GOLGA8B: variants seen among roughly 807,000 people sequenced by gnomAD.
GOLGA8B encodes golgin A8 family member B.
Under a neutral mutation model 15.6 loss-of-function variants are expected in GOLGA8B, and 1 was observed. That is an observed-to-expected ratio of 0.06 (90% CI 0.02 to 0.30). GOLGA8B has a LOEUF of 0.30. Ranked by LOEUF, GOLGA8B falls within the 10% of genes least tolerant of loss-of-function variation. GOLGA8B has a pLI of 1.00. For missense variants in GOLGA8B, 17 were observed against 201.3 expected, an observed-to-expected ratio of 0.08 and a Z score of 5.54; for synonymous variants, 9 against 80.3, an observed-to-expected ratio of 0.11 and a Z score of 4.75.
chr15:34,576,958 T>C (rs1485908748), intron 1 of GOLGA8B, among the ~76,000 whole-genome samples: 1 of 151,422 alleles, frequency 6.6e-6, no homozygotes, highest in Non-Finnish European at 1.5e-5. Flanking sequence ...CCTCCATCCA[T>C]AATAACTCAG....
At chr15:34,577,504 TCATACACACACACACACACA>T (rs1442279674) in intron 1 of GOLGA8B, among the ~76,000 whole-genome samples, 6 of 100,624 alleles carry the variant, frequency 6.0e-5, no homozygotes, top group Non-Finnish European at 1.0e-4. Context: ...AAATTATATA[TCATACACACACACACACACA>T]CACACACACA....
intron 1 of GOLGA8B, among the ~76,000 whole-genome samples, chr15:34,564,438 C>T (rs1286035042): frequency 6.9e-6 from 1 of 144,930 alleles, no homozygotes; most frequent in Non-Finnish European, 1.5e-5. Flanking sequence ...TCACTTTTTG[C>T]ATCATATTCA....
chr15:34,578,027 A>C (rs1006817205), intron 1 of GOLGA8B, among the ~76,000 whole-genome samples: 2 of 152,226 alleles, frequency 1.3e-5, no homozygotes, highest in African/African-American at 4.8e-5. Flanking sequence ...TATCACTCAC[A>C]AAAACAATGT....
At chr15:34,578,959 C>A (rs1206697604) in intron 1 of GOLGA8B, among the ~76,000 whole-genome samples, 3 of 152,144 alleles carry the variant, frequency 2.0e-5, no homozygotes, top group African/African-American at 7.2e-5. Context: ...AACTCACAAA[C>A]CTGACCCTTA....
rs751530122 is a variant in GOLGA8B at position 34,527,175 on chromosome 15, G to A, written c.*457C>T. 23 of 303,748 alleles carry A rather than the reference G, an allele frequency of 7.6e-5. 1 individual carries two copies. The highest frequency in any genetic ancestry group is 1.5e-4 in the Admixed American group (3 of 19,878). 18.8% of individuals were successfully genotyped at this position (303,748 alleles called of 1,614,324 possible). On this transcript the variant is annotated 3_prime_UTR_variant, in exon 24 of 24. Transcript: ENST00000683415. Reference sequence around the variant, plus strand: ...AGGGCAAACCGCATATTGAGCTATGGAAGAGCTCACTGTGATTAAGATGAG... The same window carrying A: ...AGGGCAAACCGCATATTGAGCTATGAAAGAGCTCACTGTGATTAAGATGAG...
chr15:34,583,172 G>A (rs1169559229), intron 1 of GOLGA8B, among the ~76,000 whole-genome samples: 1 of 151,886 alleles, frequency 6.6e-6, no homozygotes, highest in African/African-American at 2.4e-5. Context: ...CGAGATCCGA[G>A]CGGGCGGCCC....
At chr15:34,559,991 G>A (rs1482117655) in intron 1 of GOLGA8B, among the ~76,000 whole-genome samples, 3 of 149,578 alleles carry the variant, frequency 2.0e-5, no homozygotes, top group African/African-American at 5.0e-5. Context: ...GTTTCAGGAG[G>A]ACATTCAAGA....
intron 1 of GOLGA8B, among the ~76,000 whole-genome samples, chr15:34,559,939 C>A (rs1246431698): frequency 6.7e-6 from 1 of 149,638 alleles, no homozygotes; most frequent in Non-Finnish European, 1.5e-5. Flanking sequence ...GCGGACCTGG[C>A]GTGTGTGGTC....
chr15:34,581,192 T>C (rs72726723), intron 1 of GOLGA8B, among the ~76,000 whole-genome samples: 27 of 152,328 alleles, frequency 1.8e-4, no homozygotes, highest in African/African-American at 6.0e-4. Flanking sequence ...GTTAAGTCAC[T>C]GGGGCAGGTA....
rs140773762 is a variant in GOLGA8B at position 34,574,158 on chromosome 15, G to A, written c.-1123+9358C>T. Among the ~76,000 whole-genome samples the A allele has an allele frequency of 7.2e-5, 11 of 152,176 alleles. No homozygotes were observed. The East Asian group carries it at 2.1e-3, about 29-fold the overall frequency. ...TGTCATGGGAAGTCTCTGAAATTCA[G>A]GTTTGGGAAATCAGTTGACATGAAC... is the stretch of plus-strand genomic sequence containing the variant. On this transcript the variant is annotated intron_variant, in intron 1 of 23. Coordinates refer to ENST00000683415, the MANE Select transcript of GOLGA8B (RefSeq NM_001023567.5).
chr15:34,570,150 G>A (rs1197307130), intron 1 of GOLGA8B, among the ~76,000 whole-genome samples: 2 of 152,048 alleles, frequency 1.3e-5, no homozygotes, highest in Admixed American at 6.6e-5. Context: ...CACGTTTGGA[G>A]GAAGCAGCTG....
At chr15:34,577,215 C>A (rs1566936630) in intron 1 of GOLGA8B, among the ~76,000 whole-genome samples, 1 of 152,100 alleles carries the variant, frequency 6.6e-6, no homozygotes, top group East Asian at 1.9e-4. Flanking sequence ...GACTGAGAAA[C>A]AGAAACTGTG....
rs1464468970 is a variant in GOLGA8B at position 34,566,425 on chromosome 15, T to A, written c.-1122-12469A>T. 2.1e-5 allele frequency: 3 copies of A among 144,176 alleles called. 1 individual carries two copies. Among genetic ancestry groups the A allele is most frequent in the Non-Finnish European group, 4.7e-5 (3 of 63,210 alleles). The allele number at this position is 144,176 out of a possible 1,614,324, so 8.9% of individuals were successfully genotyped here. A position where few individuals can be genotyped will look rare whatever the true frequency, so the allele number is the denominator to read the frequency against. ...CGCCAGGAGAGCGGTGTCAGGCATCTCACCAGCCGATTCTCCCAGAAGTTT... is the reference window on the plus strand; with the variant it reads ...CGCCAGGAGAGCGGTGTCAGGCATCACACCAGCCGATTCTCCCAGAAGTTT... On this transcript the variant is annotated intron_variant, in intron 1 of 23. Transcript: ENST00000683415.
At chr15:34,577,531 CA>C (rs1889116280) in intron 1 of GOLGA8B, among the ~76,000 whole-genome samples, 1 of 150,954 alleles carries the variant, frequency 6.6e-6, no homozygotes, top group Non-Finnish European at 1.5e-5. Context: ...CACACACACA[CA>C]CACACACACA....
Position 34,527,129 on chromosome 15 carries a change from GTAA to G in GOLGA8B, c.*500_*502del, listed in dbSNP as rs1359468865. The stretch of plus-strand genomic sequence containing the variant: ...AGTACTCATAGTGGCATATTACAAA[GTAA>G]TAAACAGTGCACACTTGAGGGCAAA... On this transcript the variant is annotated 3_prime_UTR_variant, in exon 24 of 24. Transcript: ENST00000683415. The G allele has an allele frequency of 3.9e-6, 1 of 254,488 alleles. No homozygotes were observed. Among genetic ancestry groups the G allele is most frequent in the African/African-American group, 2.4e-5 (1 of 42,484 alleles). 15.8% of individuals were successfully genotyped at this position (254,488 alleles called of 1,614,324 possible). A position where few individuals can be genotyped will look rare whatever the true frequency, so the allele number is the denominator to read the frequency against.
At chr15:34,581,009 T>A (rs1352259770) in intron 1 of GOLGA8B, among the ~76,000 whole-genome samples, 6 of 152,152 alleles carry the variant, frequency 3.9e-5, no homozygotes, top group African/African-American at 1.4e-4. Flanking sequence ...CTCTCTCCGT[T>A]TCTCTAAGGA....
intron 1 of GOLGA8B, among the ~76,000 whole-genome samples, chr15:34,570,189 C>T (rs973446114): frequency 6.6e-6 from 1 of 151,856 alleles, no homozygotes; most frequent in Non-Finnish European, 1.5e-5. Flanking sequence ...AGCTTGCTGG[C>T]ATGGGTCCCA....
chr15:34,527,526 T>TG lies in GOLGA8B; in HGVS notation c.*105_*106insC, dbSNP rs1888085016. 4 of 697,628 alleles carry TG rather than the reference T, an allele frequency of 5.7e-6. No individual in the cohort carries two copies. Among genetic ancestry groups the TG allele is most frequent in the African/African-American group, 4.1e-5 (2 of 49,274 alleles). 43.2% of individuals were successfully genotyped at this position (697,628 alleles called of 1,614,324 possible). Reference sequence around the variant, plus strand: ...AATTAGAAACACAAATAATCATGAGTAGCTCTAACATTCAAATGAAGTAAA... The same window carrying TG: ...AATTAGAAACACAAATAATCATGAGTGAGCTCTAACATTCAAATGAAGTAAA... On this transcript the variant is annotated 3_prime_UTR_variant, in exon 24 of 24. Coordinates refer to ENST00000683415, the MANE Select transcript of GOLGA8B (RefSeq NM_001023567.5).
chr15:34,578,165 G>A (rs113110218), intron 1 of GOLGA8B, among the ~76,000 whole-genome samples: 8 of 152,266 alleles, frequency 5.3e-5, no homozygotes, highest in Non-Finnish European at 8.8e-5. Flanking sequence ...ACAACCAAGC[G>A]TCTCTCTGCA....
Sources: allele counts gnomAD v4.1 joint callset (sites outside exome capture counted in the v4.1 genomes callset), GRCh38; gene constraint gnomAD v4.1.1; transcripts MANE v1.5; gene names NCBI Gene and HGNC (gene_info 2026-07-23, HGNC 2026-07-21).